Variants in FGF14 observed in about 807,000 individuals in gnomAD.
The protein encoded by FGF14 is fibroblast growth factor 14.
Under a neutral mutation model 25.5 loss-of-function variants are expected in FGF14, and 5 were observed. The observed-to-expected ratio is 0.20, with a 90% CI of 0.10 to 0.41. The LOEUF (loss-of-function observed/expected upper bound fraction) is 0.41, where lower values mean the gene tolerates loss of function less well. Among genes scored for constraint, FGF14 ranks in the 10% least tolerant of loss-of-function variants. The probability of loss-of-function intolerance (pLI) is 1.00; values close to 1 mark genes in which losing one functional copy is unlikely to be tolerated. For synonymous variants in FGF14, 138 were observed against 118.3 expected (o/e 1.17, Z -1.08); for missense variants, 222 against 320.1 (o/e 0.69, Z 2.34).
intron 1 of FGF14, among the ~76,000 whole-genome samples, chr13:101,991,888 C>A (rs571062483): frequency 4.5e-4 from 69 of 152,202 alleles, no homozygotes; most frequent in African/African-American, 1.6e-3. Context: ...GTTTCCTTCA[C>A]GCAGGGAGAA....
intron 1 of FGF14, among the ~76,000 whole-genome samples, chr13:102,051,801 A>G (rs1043919815): frequency 6.6e-6 from 1 of 152,196 alleles, no homozygotes; most frequent in Non-Finnish European, 1.5e-5. Context: ...GTAGAGTCTG[A>G]AAGTGGTGAA....
chr13:102,224,437 A>C (rs899017366), intron 1 of FGF14, among the ~76,000 whole-genome samples: 1 of 152,136 alleles, frequency 6.6e-6, no homozygotes, highest in Non-Finnish European at 1.5e-5. Flanking sequence ...AGGGGTGTCA[A>C]CTTTTTGGTG....
intron 3 of FGF14, among the ~76,000 whole-genome samples, chr13:101,824,715 G>A (rs995352374): frequency 6.6e-6 from 1 of 152,120 alleles, no homozygotes; most frequent in Non-Finnish European, 1.5e-5. Context: ...GATGGGAGCT[G>A]GTTGCCAGAG....
chr13:102,216,835 C>T (rs2050395891), intron 1 of FGF14, among the ~76,000 whole-genome samples: 2 of 152,154 alleles, frequency 1.3e-5, no homozygotes, highest in South Asian at 4.1e-4. Context: ...TAGCCTCTAG[C>T]AATCACAATT....
chr13:102,029,771 G>T (rs1482581464), intron 1 of FGF14, among the ~76,000 whole-genome samples: 1 of 152,104 alleles, frequency 6.6e-6, no homozygotes, highest in African/African-American at 2.4e-5. Flanking sequence ...AATGGAAACA[G>T]AACTGATGTT....
intron 3 of FGF14, among the ~76,000 whole-genome samples, chr13:101,863,655 G>A (rs1354651488): frequency 2.0e-5 from 3 of 152,096 alleles, no homozygotes; most frequent in Non-Finnish European, 4.4e-5. Context: ...CTTTGGGTGT[G>A]TTACTCTTAG....
chr13:102,213,672 T>C (rs564828920), intron 1 of FGF14, among the ~76,000 whole-genome samples: 2 of 152,144 alleles, frequency 1.3e-5, no homozygotes, highest in South Asian at 4.1e-4. Flanking sequence ...TGAGGAGAAA[T>C]AGACTCAACA....
At chr13:102,240,242 CTATA>C (rs754221008) in intron 1 of FGF14, among the ~76,000 whole-genome samples, 1 of 152,086 alleles carries the variant, frequency 6.6e-6, no homozygotes, top group Non-Finnish European at 1.5e-5. Context: ...TAAAATATCT[CTATA>C]TATAGCGATC....
chr13:102,080,977 C>T (rs563475740), intron 1 of FGF14, among the ~76,000 whole-genome samples: 1 of 152,310 alleles, frequency 6.6e-6, no homozygotes, highest in African/African-American at 2.4e-5. Flanking sequence ...TGACCCATTC[C>T]TTTGCATGAG....
In FGF14 at chr13:101,916,788, G is replaced by A. The variant is rs1311730960; in HGVS notation, c.-143C>T. ...CCAGGCGGGACTGGGGAGAGGGGAA[G>A]GGGGGCTCAGTCCTGACCGGGACCC... is the stretch of plus-strand genomic sequence containing the variant. On this transcript the variant is annotated 5_prime_UTR_variant, in exon 1 of 5. Coordinates refer to ENST00000376143, the MANE Select transcript of FGF14 (RefSeq NM_004115.4). The A allele has an allele frequency of 5.4e-5, 39 of 718,184 alleles. 1 individual carries two copies. The East Asian group carries it at 1.1e-3, about 20-fold the overall frequency. The allele number at this position is 718,184 out of a possible 1,614,324, so 44.5% of individuals were successfully genotyped here.
intron 1 of FGF14, among the ~76,000 whole-genome samples, chr13:102,196,491 T>G (rs2049357493): frequency 1.3e-5 from 2 of 152,222 alleles, no homozygotes; most frequent in Admixed American, 1.3e-4. Flanking sequence ...CTGAAGGACA[T>G]CTGATAAACA....
Position 101,916,460 on chromosome 13 carries a change from C to A in FGF14, c.186G>T (p.Arg62=), listed in dbSNP as rs761177427. 1.2e-6 allele frequency: 2 copies of A among 1,613,946 alleles called. No homozygotes were observed. The highest frequency in any genetic ancestry group is 1.7e-6 in the Non-Finnish European group (2 of 1,179,930). The change falls in exon 1 of 5, where the codon CGG becomes CGT. Residue 62 remains arginine (R), a synonymous_variant. Coordinates refer to ENST00000376143, the MANE Select transcript of FGF14 (RefSeq NM_004115.4). ...RIFGLKKRRL[R]RQDPQLKGIV... ...ACCATGACCCCCACAGACCTTGGCG[C>A]CGCAACCTGCGCTTCTTGAGGCCGA...
rs1017655371 is a variant in FGF14, at chr13:101,865,613, C to T, written c.408+3112G>A. ...TGGGAACTTACATCTCAGTCAAGTACCTTTTATCTGTCTCCAGAAGGTGGA... is the reference window on the plus strand; with the variant it reads ...TGGGAACTTACATCTCAGTCAAGTATCTTTTATCTGTCTCCAGAAGGTGGA... On this transcript the variant is annotated intron_variant, in intron 3 of 4. Transcript: ENST00000376143. 2.0e-5 allele frequency among the ~76,000 whole-genome samples: 3 copies of T among 151,976 alleles called. No homozygotes were observed. The East Asian group carries it at 5.8e-4, about 29-fold the overall frequency.
intron 1 of FGF14, among the ~76,000 whole-genome samples, chr13:102,265,220 T>C (rs1190416868): frequency 6.6e-6 from 1 of 152,124 alleles, no homozygotes; most frequent in East Asian, 1.9e-4. Flanking sequence ...ATTATGTTTT[T>C]GTGTAAGTAA....
intron 1 of FGF14, among the ~76,000 whole-genome samples, chr13:102,341,167 A>G (rs1358618072): frequency 6.6e-6 from 1 of 152,188 alleles, no homozygotes; most frequent in Non-Finnish European, 1.5e-5. Flanking sequence ...TGACAATTTT[A>G]TAACAAAAAA....
rs193222016 is a variant in FGF14, at chr13:102,164,043, G to C, written c.208+237428C>G. Reference sequence around the variant, plus strand: ...ATGTCCTTTCTCCCTGTTGACCTCAGCAGTGACCAGGCATATTGCTTTGTC... The same window carrying C: ...ATGTCCTTTCTCCCTGTTGACCTCACCAGTGACCAGGCATATTGCTTTGTC... On this transcript the variant is annotated intron_variant, in intron 1 of 4. Transcript: ENST00000376131. Among the ~76,000 whole-genome samples, 863 of 152,228 alleles carry C rather than the reference G, an allele frequency of 5.7e-3. 10 individuals are homozygous for C. Among genetic ancestry groups the C allele is most frequent in the African/African-American group, 0.019 (776 of 41,554 alleles).
chr13:102,031,503 C>T (rs1016005440), intron 1 of FGF14, among the ~76,000 whole-genome samples: 1 of 152,162 alleles, frequency 6.6e-6, no homozygotes, highest in South Asian at 2.1e-4. Context: ...TCCTCTTATG[C>T]TCAATTTAAT....
intron 1 of FGF14, among the ~76,000 whole-genome samples, chr13:101,881,573 A>G (rs2045713754): frequency 6.6e-6 from 1 of 152,224 alleles, no homozygotes; most frequent in South Asian, 2.1e-4. Context: ...ATATTTAAGT[A>G]AGAAAAGAAA....
intron 1 of FGF14, among the ~76,000 whole-genome samples, chr13:102,383,396 T>C (rs1429475930): frequency 6.6e-6 from 1 of 152,208 alleles, no homozygotes; most frequent in Non-Finnish European, 1.5e-5. Context: ...TCAATCAGCT[T>C]TGTTGGACAA....
Sources: gnomAD v4.1 joint callset for allele counts (sites outside exome capture counted in the v4.1 genomes callset) on GRCh38, gnomAD v4.1.1 for gene constraint, MANE v1.5 for transcripts, NCBI Gene and HGNC (gene_info 2026-07-23, HGNC 2026-07-21) for gene names.